Variants in SLC35F4 observed in about 807,000 individuals in gnomAD.
The protein encoded by SLC35F4 is solute carrier family 35 member F4, also known as chromosome 14 open reading frame 36.
In SLC35F4, 24 loss-of-function variants were observed where a neutral mutation model predicts 44.2. The observed-to-expected ratio is 0.54, with a 90% CI of 0.39 to 0.76. SLC35F4 has a LOEUF of 0.76. SLC35F4 is among the 30% of genes least tolerant of loss of function. SLC35F4 has a pLI of 0.00. For synonymous variants in SLC35F4, 238 were observed against 223.6 expected, an observed-to-expected ratio of 1.06 and a Z score of -0.57; for missense variants, 562 against 586.1, an observed-to-expected ratio of 0.96 and a Z score of 0.42.
intron 1 of SLC35F4, among the ~76,000 whole-genome samples, chr14:57,603,341 A>C (rs2070945781): frequency 6.6e-6 from 1 of 152,226 alleles, no homozygotes; most frequent in South Asian, 2.1e-4. Context: ...AAATATATTT[A>C]ACATGGCTAT....
At chr14:57,982,844 C>T (rs756918122), upstream of SLC35F4, among the ~76,000 whole-genome samples, 2 of 152,160 alleles carry the variant, frequency 1.3e-5, no homozygotes, top group African/African-American at 2.4e-5. Flanking sequence ...TTGAGTACCA[C>T]CCCAAAATTA....
intron 1 of SLC35F4, among the ~76,000 whole-genome samples, chr14:57,895,255 C>A (rs1566923767): frequency 6.6e-6 from 1 of 152,138 alleles, no homozygotes; most frequent in Non-Finnish European, 1.5e-5. Context: ...CTTGAAACAC[C>A]AATCTGTGAT....
intron 1 of SLC35F4, among the ~76,000 whole-genome samples, chr14:57,815,821 T>C (rs1316620155): frequency 6.6e-6 from 1 of 152,000 alleles, no homozygotes; most frequent in Non-Finnish European, 1.5e-5. Flanking sequence ...CTTACATTCC[T>C]CCTCATAGGC....
At chr14:57,979,235 G>A (rs144743180) in intron 1 of SLC35F4, among the ~76,000 whole-genome samples, 1 of 152,284 alleles carries the variant, frequency 6.6e-6, no homozygotes, top group Non-Finnish European at 1.5e-5. Context: ...AACCGCAGCA[G>A]CAGAGATCAC....
intron 1 of SLC35F4, among the ~76,000 whole-genome samples, chr14:57,949,494 A>G (rs1890096480): frequency 6.6e-6 from 1 of 152,184 alleles, no homozygotes; most frequent in Non-Finnish European, 1.5e-5. Context: ...GCCATTCTGT[A>G]TCTTTCAAGT....
chr14:57,883,558 A>G (rs958511303), intron 1 of SLC35F4, among the ~76,000 whole-genome samples: 9 of 152,230 alleles, frequency 5.9e-5, no homozygotes, highest in African/African-American at 2.2e-4. Flanking sequence ...GAAATGAGAA[A>G]GAGAAAGAAA....
At chr14:57,705,406 C>T (rs1489476060) in intron 1 of SLC35F4, among the ~76,000 whole-genome samples, 1 of 152,168 alleles carries the variant, frequency 6.6e-6, no homozygotes, top group Non-Finnish European at 1.5e-5. Context: ...TGCTGGTTCT[C>T]TGTCTGACTC....
chr14:57,872,499 T>C (rs72624735), intron 1 of SLC35F4, among the ~76,000 whole-genome samples: 6,128 of 152,232 alleles, frequency 0.04, 519 homozygotes, highest in East Asian at 0.39. Context: ...TGGATTGTCA[T>C]TGATTCACCT....
At chr14:57,873,488 A>C (rs1888335951) in intron 1 of SLC35F4, among the ~76,000 whole-genome samples, 1 of 152,216 alleles carries the variant, frequency 6.6e-6, no homozygotes, top group East Asian at 1.9e-4. Flanking sequence ...AGATATTAAA[A>C]TTATGGCTAT....
intron 1 of SLC35F4, among the ~76,000 whole-genome samples, chr14:57,846,900 A>G (rs867086035): frequency 3.6e-4 from 55 of 152,310 alleles, no homozygotes; most frequent in Middle Eastern, 3.4e-3. Context: ...AAGGGAATAT[A>G]TGGATACCCA....
At chr14:57,805,507 A>T (rs180931097) in intron 1 of SLC35F4, among the ~76,000 whole-genome samples, 302 of 152,286 alleles carry the variant, frequency 2.0e-3, no homozygotes, top group African/African-American at 6.9e-3. Flanking sequence ...TCCTCAGCAA[A>T]CCAAAGCAGG....
intron 1 of SLC35F4, among the ~76,000 whole-genome samples, chr14:57,844,556 C>T (rs1324863833): frequency 6.6e-6 from 1 of 152,184 alleles, no homozygotes; most frequent in Non-Finnish European, 1.5e-5. Context: ...CTGTGTCAGG[C>T]ACACATAACT....
chr14:57,894,447 T>C (rs1454372859), intron 1 of SLC35F4, among the ~76,000 whole-genome samples: 1 of 152,006 alleles, frequency 6.6e-6, no homozygotes, highest in Non-Finnish European at 1.5e-5. Context: ...ATGATAACCT[T>C]TGAAAGAGAG....
At chr14:57,911,011 G>T (rs1889207621) in intron 1 of SLC35F4, among the ~76,000 whole-genome samples, 1 of 151,898 alleles carries the variant, frequency 6.6e-6, no homozygotes, top group South Asian at 2.1e-4. Flanking sequence ...TTATACCTAT[G>T]TATTTTATTT....
At chr14:57,983,035 C>T (rs1881429004), upstream of SLC35F4, among the ~76,000 whole-genome samples, 1 of 152,244 alleles carries the variant, frequency 6.6e-6, no homozygotes, top group East Asian at 1.9e-4. Flanking sequence ...TCTTGCTGCT[C>T]AGGCTCTGCT....
At chr14:57,935,832 A>G (rs1322550552) in intron 1 of SLC35F4, among the ~76,000 whole-genome samples, 2 of 152,218 alleles carry the variant, frequency 1.3e-5, no homozygotes, top group Non-Finnish European at 2.9e-5. Context: ...TTTGTGGAAG[A>G]AAAAAATTCC....
rs2140127707 is a variant in SLC35F4 at position 57,630,693 on chromosome 14, T to A, written c.104-36569A>T. 1.5e-5 allele frequency: 9 copies of A among 590,894 alleles called. No homozygotes were observed. The South Asian group carries it at 1.6e-4, about 10-fold the overall frequency. The allele number at this position is 590,894 out of a possible 1,614,324, so 36.6% of individuals were successfully genotyped here. ...TCCTATGCTCAGTGGCCATTGACAG[T>A]ATAAACCATGATCATTTTTAGGCGT... is the stretch of plus-strand genomic sequence containing the variant. On this transcript the variant is annotated intron_variant, in intron 1 of 7. Transcript: ENST00000556826.
chr14:57,727,939 G>A (rs901777544), intron 1 of SLC35F4, among the ~76,000 whole-genome samples: 10 of 152,148 alleles, frequency 6.6e-5, no homozygotes, highest in African/African-American at 2.4e-4. Context: ...TTTCTTGGTT[G>A]ATTTTCTGTA....
intron 1 of SLC35F4, among the ~76,000 whole-genome samples, chr14:57,900,428 A>G (rs1425087997): frequency 6.6e-6 from 1 of 152,138 alleles, no homozygotes; most frequent in Non-Finnish European, 1.5e-5. Context: ...TGGCCCCCAC[A>G]CTAAATCAGC....
Sources: allele counts gnomAD v4.1 joint callset (sites outside exome capture counted in the v4.1 genomes callset), GRCh38; gene constraint gnomAD v4.1.1; transcripts MANE v1.5; gene names NCBI Gene and HGNC (gene_info 2026-07-23, HGNC 2026-07-21).